The following OLFM1 variants were observed in gnomAD, a reference collection of about 807,000 sequenced individuals.
OLFM1 encodes the protein olfactomedin 1.
A neutral mutation model predicts 49.7 loss-of-function variants in OLFM1; 9 were observed. That is an observed-to-expected ratio of 0.18 (90% CI 0.11 to 0.32). OLFM1 has a LOEUF of 0.32. OLFM1 is among the 10% of genes least tolerant of loss of function. OLFM1 has a pLI of 1.00. For synonymous variants in OLFM1, 240 were observed against 271.8 expected (o/e 0.88, Z 1.15); for missense variants, 369 against 661.8 (o/e 0.56, Z 4.85).
rs760811541 is a variant in OLFM1 at position 135,113,471 on chromosome 9, G to A, written c.784-6033G>A. On this transcript the variant is annotated intron_variant, in intron 5 of 5. Transcript: ENST00000371793. This position sits in a 1 kb window ranked among gnomAD's most constrained non-coding sequence, Gnocchi z 4.0. The stretch of plus-strand genomic sequence containing the variant: ...GCTGGCATTTATTGAACCACTACAG[G>A]TGGCAGGTCCTCACAGGACCTATTT... 6.6e-6 allele frequency among the ~76,000 whole-genome samples: 1 copy of A among 152,184 alleles called. No homozygotes were observed.
In OLFM1 at chr9:135,111,966, C is replaced by T. The variant is rs145806072; in HGVS notation, c.783+5111C>T. ...TCCTGACCTCATGATCCACCTACAT[C>T]GGCCTCCCAAAGTGCTGGGATTACA... is the stretch of plus-strand genomic sequence containing the variant. On this transcript the variant is annotated intron_variant, in intron 5 of 5. Transcript: ENST00000371793. Among the ~76,000 whole-genome samples, 542 of 152,314 alleles carry T rather than the reference C, an allele frequency of 3.6e-3. 7 individuals carry two copies. Among genetic ancestry groups the T allele is most frequent in the African/African-American group, 0.013 (523 of 41,578 alleles).
chr9:135,107,944 G>A (rs1050043460), intron 5 of OLFM1, among the ~76,000 whole-genome samples: 5 of 152,208 alleles, frequency 3.3e-5, no homozygotes, highest in Middle Eastern at 3.4e-3. Context: ...TGGGCGGTAC[G>A]GCCTCTGGCA....
chr9:135,096,558 A>G (rs990077554), intron 3 of OLFM1, among the ~76,000 whole-genome samples: 1 of 152,204 alleles, frequency 6.6e-6, no homozygotes. Context: ...GCAGCAGCAT[A>G]CACTCGCCCC....
chr9:135,113,921 G>A lies in OLFM1; in HGVS notation c.784-5583G>A, dbSNP rs556274455. 1.1e-4 allele frequency among the ~76,000 whole-genome samples: 17 copies of A among 152,276 alleles called. No individual in the cohort carries two copies. The highest frequency in any genetic ancestry group is 3.4e-3 in the Middle Eastern group (1 of 294). On this transcript the variant is annotated intron_variant, in intron 5 of 5. Coordinates refer to ENST00000371793, the MANE Select transcript of OLFM1 (RefSeq NM_001282611.2). The surrounding 1 kb of genome is among the most constrained non-coding windows in gnomAD (Gnocchi z 4.0). ...CAGACCAGGGCGCCTGCAGGGCTGC[G>A]CTCTGAAGATGCCAGGGGAGGACCC...
At chr9:135,087,497 C>T (rs963176883), upstream of OLFM1, 2 of 1,463,480 alleles carry the variant, frequency 1.4e-6, no homozygotes, top group Admixed American at 4.7e-5. Context: ...CACCCTGATC[C>T]CAACTCCTGG....
intron 3 of OLFM1, 25 bp downstream of exon 3, chr9:135,096,044 C>T (rs756241098): frequency 6.2e-6 from 8 of 1,295,120 alleles, no homozygotes; most frequent in Non-Finnish European, 8.0e-6. Flanking sequence ...CCCCCTCTCC[C>T]TCCCCTTATC....
At chr9:135,077,237 C>A in intron 1 of OLFM1, 1 of 1,496,452 alleles carries the variant, frequency 6.7e-7, no homozygotes. Flanking sequence ...CAAGCTGCCC[C>A]ACAAAGGGCT....
intron 3 of OLFM1, among the ~76,000 whole-genome samples, chr9:135,096,487 G>T (rs1830800321): frequency 6.6e-6 from 1 of 152,238 alleles, no homozygotes; most frequent in Middle Eastern, 3.2e-3. Context: ...TTGGCAGTAG[G>T]GAGGCCACCA....
At chr9:135,077,189 T>C (rs1830479774) in intron 1 of OLFM1, 2 of 1,538,490 alleles carry the variant, frequency 1.3e-6, no homozygotes, top group Non-Finnish European at 1.8e-6. Flanking sequence ...GGGGAGCAGA[T>C]ACCTGCAGAG....
At chr9:135,114,599 G>T (rs1831071027) in intron 5 of OLFM1, among the ~76,000 whole-genome samples, 1 of 147,596 alleles carries the variant, frequency 6.8e-6, no homozygotes, top group African/African-American at 2.5e-5. Flanking sequence ...CTGGGGCAGG[G>T]ATGGGGACGG....
rs1414830060 is a variant in OLFM1 at position 135,106,829 on chromosome 9, C to G, written c.757C>G (p.Pro253Ala). Residue 253 changes from proline (P) to alanine (A), a missense_variant, in exon 5 of 6, where the codon CCT (proline) becomes GCT (alanine). By Grantham distance (27) the Pro-to-Ala change is conservative (BLOSUM62 -1). Transcript: ENST00000371793. ...GSRFGSWMTDPLAPEGDNRVW... is the reference protein window; with the variant it reads ...GSRFGSWMTDALAPEGDNRVW... ...GAGGTTCGGATCCTGGATGACAGAC[C>G]CTCTCGCCCCTGAAGGCGATAACCG... 1 of 1,611,892 alleles carries G rather than the reference C, an allele frequency of 6.2e-7. No individual in the cohort carries two copies. Among genetic ancestry groups the G allele is most frequent in the African/African-American group, 1.3e-5 (1 of 74,872 alleles).
intron 5 of OLFM1, among the ~76,000 whole-genome samples, chr9:135,112,883 G>A (rs1831042218): frequency 6.6e-6 from 1 of 152,218 alleles, no homozygotes; most frequent in Non-Finnish European, 1.5e-5. Flanking sequence ...TGGCAGGAGG[G>A]AAGAGGGCAT....
At chr9:135,090,377 T>TGTGG (rs1190195283) in intron 2 of OLFM1, 33 bp downstream of exon 2, 4 of 1,520,658 alleles carry the variant, frequency 2.6e-6, no homozygotes, top group Non-Finnish European at 3.5e-6. Context: ...AGTTTGTATG[T>TGTGG]GTGTGTGTTT....
chr9:135,107,131 G>GTGGGC lies in OLFM1; in HGVS notation c.783+315_783+319dup, dbSNP rs55864915. Among the ~76,000 whole-genome samples, 1,327 of 151,798 alleles carry GTGGGC rather than the reference G, an allele frequency of 8.7e-3. 12 individuals are homozygous for GTGGGC. Among genetic ancestry groups the GTGGGC allele is most frequent in the Admixed American group, 0.015 (236 of 15,276 alleles). On this transcript the variant is annotated intron_variant, in intron 5 of 5. Transcript: ENST00000371793. ...CCTTCAAGGCCTCCTCCCCGGCCCG[G>GTGGGC]TGGGCTGGGCTGGGCTGGGCTGGGC... is the stretch of plus-strand genomic sequence containing the variant.
At chr9:135,111,629 T>C (rs1046518753) in intron 5 of OLFM1, among the ~76,000 whole-genome samples, 1 of 152,142 alleles carries the variant, frequency 6.6e-6, no homozygotes, top group Admixed American at 6.5e-5. Flanking sequence ...GTGGCGTGGT[T>C]CAGAGCTGGG....
At position 135,075,534 on chromosome 9, in the gene OLFM1, A is replaced by G. The variant is rs1830450483; in HGVS notation, c.-173A>G. The G allele has an allele frequency of 1.2e-5, 5 of 430,002 alleles. No homozygotes were observed. In the South Asian group the frequency reaches 2.4e-4, roughly 20 times the overall value. 26.6% of individuals were successfully genotyped at this position (430,002 alleles called of 1,614,324 possible). A position where few individuals can be genotyped will look rare whatever the true frequency, so the allele number is the denominator to read the frequency against. On this transcript the variant is annotated 5_prime_UTR_variant, in exon 1 of 6. Coordinates refer to the OLFM1 transcript ENST00000252854. ...GCGCCGGAACCGGGACGCGATAAATATGCAGAGCGGAGGCTTCGCGCAGCA... is the reference window on the plus strand; with the variant it reads ...GCGCCGGAACCGGGACGCGATAAATGTGCAGAGCGGAGGCTTCGCGCAGCA...
In OLFM1 at chr9:135,076,896, C is replaced by T. The variant is rs77164450; in HGVS notation, c.96+1094C>T. On this transcript the variant is annotated intron_variant, in intron 1 of 5. Coordinates refer to the OLFM1 transcript ENST00000252854. ...AGGAGAGAAGACACTGAACGAGCTT[C>T]CCTTGTTTTGCCTGGAAGCCCACGC... 6,235 of 1,550,628 alleles carry T rather than the reference C, an allele frequency of 4.0e-3. 223 individuals are homozygous for T. In the African/African-American group the frequency reaches 0.077, roughly 19 times the overall value.
intron 1 of OLFM1, chr9:135,076,666 G>A (rs771069738): frequency 1.9e-5 from 24 of 1,267,680 alleles, no homozygotes; most frequent in Non-Finnish European, 2.4e-5. Flanking sequence ...CCCTTTCAAT[G>A]ATGCCACTGT....
At chr9:135,101,668 C>T (rs1365763823) in intron 4 of OLFM1, among the ~76,000 whole-genome samples, 6 of 152,352 alleles carry the variant, frequency 3.9e-5, no homozygotes, top group Admixed American at 1.3e-4. Flanking sequence ...AGTGCTGCCC[C>T]GTGCCCCTGG....
Sources: gnomAD v4.1 joint callset for allele counts (sites outside exome capture counted in the v4.1 genomes callset) on GRCh38, gnomAD v4.1.1 for gene constraint, Gnocchi (gnomAD v3.1) non-coding constraint, MANE v1.5 for transcripts, NCBI Gene and HGNC (gene_info 2026-07-23, HGNC 2026-07-21) for gene names.